The following ADAMTS9 variants were observed in gnomAD, a reference collection of about 807,000 sequenced individuals.
ADAMTS9 encodes the protein A disintegrin and metalloproteinase with thrombospondin motifs 9.
In ADAMTS9, 107 loss-of-function variants were observed where a neutral mutation model predicts 257.1. The observed-to-expected ratio is 0.42, with a 90% CI of 0.36 to 0.49. The LOEUF (loss-of-function observed/expected upper bound fraction) is 0.49, where lower values mean the gene tolerates loss of function less well. Among genes scored for constraint, ADAMTS9 ranks in the 20% least tolerant of loss-of-function variants. The pLI, the probability that ADAMTS9 is intolerant of heterozygous loss-of-function variation, is 0.03. For missense variants in ADAMTS9, 2,353 were observed against 2,469.1 expected (o/e 0.95, Z 1.00); for synonymous variants, 982 against 880.9 (o/e 1.11, Z -2.03).
chr3:64,547,041 C>G lies in ADAMTS9; in HGVS notation c.4870-89G>C, dbSNP rs747627595. On this transcript the variant is annotated intron_variant, in intron 31 of 39. Coordinates refer to ENST00000498707, the MANE Select transcript of ADAMTS9 (RefSeq NM_182920.2). ...CCTGACCTCCACACCAAGCGCTGAC[C>G]GTGTGACTATGCTGCAGAAAGCTCC... 3.4e-6 allele frequency: 4 copies of G among 1,161,238 alleles called. No homozygotes were observed. In the African/African-American group the frequency reaches 6.2e-5, roughly 18 times the overall value. The allele number at this position is 1,161,238 out of a possible 1,614,324, so 71.9% of individuals were successfully genotyped here.
At chr3:64,579,840 T>C (rs7638248) in intron 28 of ADAMTS9, among the ~76,000 whole-genome samples, 20,223 of 152,182 alleles carry the variant, frequency 0.13, 1,861 homozygotes, top group East Asian at 0.35. Flanking sequence ...CCACATATTC[T>C]TGTGGTTTAA....
chr3:64,607,166 T>C, intron 22 of ADAMTS9, 87 bp from the exon 23 acceptor site: 1 of 1,556,356 alleles, frequency 6.4e-7, no homozygotes, highest in Non-Finnish European at 8.7e-7. Flanking sequence ...AAGAGAGAAA[T>C]ACTTCCATCA....
intron 18 of ADAMTS9, among the ~76,000 whole-genome samples, chr3:64,621,770 A>T (rs1474871379): frequency 7.8e-6 from 1 of 128,736 alleles, no homozygotes; most frequent in East Asian, 2.9e-4. Context: ...TCAAAAAAAT[A>T]AAAAAATAAA....
chr3:64,654,881 A>G (rs900688691), intron 6 of ADAMTS9, among the ~76,000 whole-genome samples: 1 of 152,218 alleles, frequency 6.6e-6, no homozygotes, highest in African/African-American at 2.4e-5. Flanking sequence ...GATTTTCCCA[A>G]TACCCTGGGG....
intron 38 of ADAMTS9, among the ~76,000 whole-genome samples, chr3:64,523,527 C>G (rs1332131620): frequency 6.6e-6 from 1 of 152,148 alleles, no homozygotes; most frequent in African/African-American, 2.4e-5. Flanking sequence ...GTGTTGACAA[C>G]TGATGATAGT....
At chr3:64,671,572 T>G (rs1004575961) in intron 3 of ADAMTS9, among the ~76,000 whole-genome samples, 1 of 152,328 alleles carries the variant, frequency 6.6e-6, no homozygotes, top group East Asian at 1.9e-4. Flanking sequence ...TAACTTGAAC[T>G]TTTTCCACAC....
intron 30 of ADAMTS9, among the ~76,000 whole-genome samples, chr3:64,553,227 C>T (rs1039606565): frequency 2.0e-5 from 3 of 152,180 alleles, no homozygotes; most frequent in African/African-American, 7.2e-5. Flanking sequence ...CTTCCTGTAG[C>T]CCCTAGCAAA....
At chr3:64,594,761 A>C (rs77794541) in intron 27 of ADAMTS9, among the ~76,000 whole-genome samples, 1 of 152,168 alleles carries the variant, frequency 6.6e-6, no homozygotes, top group Non-Finnish European at 1.5e-5. Flanking sequence ...AACTCGATCA[A>C]GTCCAATCTG....
At chr3:64,683,807 C>T (rs1460514425) in intron 2 of ADAMTS9, among the ~76,000 whole-genome samples, 2 of 152,058 alleles carry the variant, frequency 1.3e-5, no homozygotes, top group African/African-American at 4.8e-5. Flanking sequence ...GATGCTGACC[C>T]TGTTGCCAAG....
intron 24 of ADAMTS9, 25 bp from the exon 25 acceptor site, chr3:64,604,114 A>T: frequency 6.2e-7 from 1 of 1,612,980 alleles, no homozygotes; most frequent in Non-Finnish European, 8.5e-7. Context: ...AAAATCATGC[A>T]GTTATATTAC....
rs758664545 is a variant in ADAMTS9 at position 64,613,381 on chromosome 3, C to T, written c.3318G>A (p.Pro1106=). 10 of 1,613,790 alleles carry T rather than the reference C, an allele frequency of 6.2e-6. No homozygotes were observed. The highest frequency in any genetic ancestry group is 2.2e-5 in the East Asian group (1 of 44,832). ...KPTSMQTCQQ[P]ECASWQAGPW... Reference sequence around the variant, plus strand: ...GACCCGCCTGCCAGGATGCACATTCCGGCTGCTGACAAGTCTGCATAGATG... The same window carrying T: ...GACCCGCCTGCCAGGATGCACATTCTGGCTGCTGACAAGTCTGCATAGATG... Residue 1106 remains proline (P), a synonymous_variant, in exon 22 of 40, where the codon CCG becomes CCA. Transcript: ENST00000498707.
chr3:64,633,343 C>A, intron 14 of ADAMTS9, 129 bp downstream of exon 14: 1 of 1,380,744 alleles, frequency 7.2e-7, no homozygotes, highest in South Asian at 1.4e-5. Context: ...GATCCCGGGG[C>A]CACACTTTGA....
At chr3:64,569,353 C>A (rs1429844235) in intron 28 of ADAMTS9, among the ~76,000 whole-genome samples, 2 of 152,150 alleles carry the variant, frequency 1.3e-5, no homozygotes, top group African/African-American at 4.8e-5. Flanking sequence ...AAGTCATTAC[C>A]ACTCAGATCA....
chr3:64,525,795 G>A (rs1575977412), intron 38 of ADAMTS9, among the ~76,000 whole-genome samples: 1 of 151,546 alleles, frequency 6.6e-6, no homozygotes. Flanking sequence ...ATTTTTAGTA[G>A]AGACAGGGTT....
chr3:64,541,236 A>T lies in ADAMTS9; in HGVS notation c.5388-8T>A. The T allele has an allele frequency of 6.2e-7, 1 of 1,614,182 alleles. No homozygotes were observed. The highest frequency in any genetic ancestry group is 8.5e-7 in the Non-Finnish European group (1 of 1,180,022). On this transcript the variant is annotated splice_region_variant and splice_polypyrimidine_tract_variant and intron_variant, in intron 35 of 39. Transcript: ENST00000498707. Reference sequence around the variant, plus strand: ...TCTGTTGGGTTGTGTAACCTAAATTATACAGAGAATGTTCTGGTAAGGATG... The same window carrying T: ...TCTGTTGGGTTGTGTAACCTAAATTTTACAGAGAATGTTCTGGTAAGGATG...
At chr3:64,546,663 TAG>T in intron 32 of ADAMTS9, 93 bp downstream of exon 32, 2 of 1,308,986 alleles carry the variant, frequency 1.5e-6, no homozygotes, top group Non-Finnish European at 2.1e-6. Flanking sequence ...CTCCTGGAAG[TAG>T]AGTTACTAAG....
chr3:64,555,015 GA>G (rs1315225900), intron 30 of ADAMTS9, among the ~76,000 whole-genome samples: 3 of 152,280 alleles, frequency 2.0e-5, no homozygotes, highest in Admixed American at 2.0e-4. Context: ...ATGGGGGGAA[GA>G]AAACCGCTTG....
intron 38 of ADAMTS9, among the ~76,000 whole-genome samples, chr3:64,530,700 T>C (rs978046728): frequency 6.6e-6 from 1 of 152,160 alleles, no homozygotes; most frequent in Admixed American, 6.6e-5. Flanking sequence ...GTAGTAACTA[T>C]CTAACGAATA....
intron 28 of ADAMTS9, among the ~76,000 whole-genome samples, chr3:64,571,299 A>G (rs1490918609): frequency 6.6e-6 from 1 of 152,238 alleles, no homozygotes. Context: ...AGGTACTATT[A>G]GTGGAGACAA....
Sources: allele counts gnomAD v4.1 joint callset (sites outside exome capture counted in the v4.1 genomes callset), GRCh38; gene constraint gnomAD v4.1.1; transcripts MANE v1.5; gene names NCBI Gene and HGNC (gene_info 2026-07-23, HGNC 2026-07-21).